The following QNG1 variants were observed in gnomAD, a reference collection of about 807,000 sequenced individuals.
The protein encoded by QNG1 is queuosine 5'-phosphate N-glycosylase/hydrolase.
At chr9:83,948,612 G>C in the QNG1 span, among the ~76,000 whole-genome samples, 5 of 152,232 alleles carry the variant, frequency 3.3e-5, no homozygotes, top group African/African-American at 7.2e-5. Flanking sequence ...AGCTCATTGA[G>C]AGCGGGCCAT....
the QNG1 span, chr9:83,955,519 A>T: frequency 6.2e-7 from 1 of 1,614,092 alleles, no homozygotes; most frequent in Non-Finnish European, 8.5e-7. Context: ...TCCCGGTTTC[A>T]TTGAGAATCC....
the QNG1 span, among the ~76,000 whole-genome samples, chr9:83,947,675 G>A: frequency 6.6e-6 from 1 of 152,182 alleles, no homozygotes; most frequent in Non-Finnish European, 1.5e-5. Flanking sequence ...CGCCACGCCT[G>A]ACTGGTTTTT....
At chr9:83,956,978 C>G in the QNG1 span, 1 of 154,460 alleles carries the variant, frequency 6.5e-6, no homozygotes, top group Non-Finnish European at 1.4e-5. Flanking sequence ...GCTCCCACCC[C>G]TCTCCTTTCC....
chr9:83,939,628 T>C, the QNG1 span: 4 of 1,613,984 alleles, frequency 2.5e-6, no homozygotes, highest in Non-Finnish European at 3.4e-6. Flanking sequence ...CTCCATTAGG[T>C]TTTTCACCCT....
the QNG1 span, among the ~76,000 whole-genome samples, chr9:83,943,823 C>T: frequency 1.3e-5 from 2 of 150,524 alleles, no homozygotes; most frequent in African/African-American, 2.5e-5. Context: ...AGATCGAGAC[C>T]ATCCTGGCTA....
At chr9:83,948,512 A>AGG in the QNG1 span, among the ~76,000 whole-genome samples, 68 of 131,588 alleles carry the variant, frequency 5.2e-4, no homozygotes, top group East Asian at 2.0e-3. Context: ...CCTGTCCGGG[A>AGG]GGGGGGGGGC....
chr9:83,949,621 C>T, the QNG1 span, among the ~76,000 whole-genome samples: 4 of 151,752 alleles, frequency 2.6e-5, no homozygotes, highest in East Asian at 1.9e-4. Flanking sequence ...ACTCCAGCCT[C>T]GGCAACAAGA....
At chr9:83,954,741 G>T in the QNG1 span, among the ~76,000 whole-genome samples, 4 of 148,646 alleles carry the variant, frequency 2.7e-5, no homozygotes, top group Non-Finnish European at 5.9e-5. Flanking sequence ...TTAGCCTAGC[G>T]CAGTGGCGGG....
chr9:83,954,687 C>G, the QNG1 span, among the ~76,000 whole-genome samples: 3 of 151,712 alleles, frequency 2.0e-5, no homozygotes, highest in South Asian at 4.2e-4. Flanking sequence ...CAAGACCAGC[C>G]TGGCCAACAT....
chr9:83,956,336 C>CATGA, the QNG1 span: 2 of 1,613,366 alleles, frequency 1.2e-6, no homozygotes, highest in Non-Finnish European at 1.7e-6. Context: ...CCCTGGGGTT[C>CATGA]AGCTCATGAA....
the QNG1 span, among the ~76,000 whole-genome samples, chr9:83,952,832 GTAGTGGGTGCCTGGAA>G: frequency 3.3e-5 from 5 of 151,242 alleles, no homozygotes; most frequent in Non-Finnish European, 5.9e-5. Context: ...GCTGTGCGTG[GTAGTGGGTGCCTGGAA>G]TCCCAGCTAC....
chr9:83,952,569 C>T, the QNG1 span, among the ~76,000 whole-genome samples: 2 of 151,698 alleles, frequency 1.3e-5, no homozygotes, highest in Admixed American at 6.6e-5. Context: ...CTGAGGCGGG[C>T]GGATCACCAG....
At chr9:83,951,483 C>T in the QNG1 span, among the ~76,000 whole-genome samples, 1 of 152,130 alleles carries the variant, frequency 6.6e-6, no homozygotes, top group Non-Finnish European at 1.5e-5. Context: ...ATCACTAGAA[C>T]CCGGGAGGCA....
the QNG1 span, chr9:83,956,211 C>T: frequency 2.1e-3 from 3,407 of 1,613,692 alleles, 8 homozygotes; most frequent in Middle Eastern, 4.0e-3. Context: ...CCAGTACCCA[C>T]TGTATGTTTT....
the QNG1 span, chr9:83,939,144 C>T: frequency 0.013 from 2,893 of 218,528 alleles, 104 homozygotes; most frequent in African/African-American, 0.064. Flanking sequence ...CCTAATCTCG[C>T]CTCACTGCAA....
chr9:83,942,606 G>A, the QNG1 span, among the ~76,000 whole-genome samples: 8 of 152,284 alleles, frequency 5.3e-5, no homozygotes, highest in African/African-American at 1.9e-4. Flanking sequence ...TTCACTTAAG[G>A]TAGTTTTTAA....
At chr9:83,949,147 C>T in the QNG1 span, among the ~76,000 whole-genome samples, 1 of 151,736 alleles carries the variant, frequency 6.6e-6, no homozygotes, top group African/African-American at 2.4e-5. Flanking sequence ...TATACATTCT[C>T]ATTTTCTGAG....
At chr9:83,941,639 G>A in the QNG1 span, among the ~76,000 whole-genome samples, 2 of 152,160 alleles carry the variant, frequency 1.3e-5, no homozygotes, top group Admixed American at 1.3e-4. Context: ...CAGGTCGGGT[G>A]CAGTGGCTCA....
the QNG1 span, among the ~76,000 whole-genome samples, chr9:83,940,914 A>T: frequency 1.3e-5 from 2 of 152,204 alleles, no homozygotes; most frequent in African/African-American, 2.4e-5. Context: ...AACAGTGATT[A>T]ACCAGGTTCC....
Sources: allele counts gnomAD v4.1 joint callset (sites outside exome capture counted in the v4.1 genomes callset), GRCh38; gene constraint gnomAD v4.1.1; transcripts MANE v1.5; gene names NCBI Gene and HGNC (gene_info 2026-07-23, HGNC 2026-07-21).